PTPRT: variants seen among roughly 807,000 people sequenced by gnomAD.
PTPRT encodes the protein receptor-type tyrosine-protein phosphatase T.
A neutral mutation model predicts 176.8 loss-of-function variants in PTPRT; 56 were observed. That is an observed-to-expected ratio of 0.32 (90% CI 0.26 to 0.40). The LOEUF (loss-of-function observed/expected upper bound fraction) is 0.40. PTPRT is among the 10% of genes least tolerant of loss of function. The probability of loss-of-function intolerance (pLI) is 1.00; values close to 1 mark genes in which losing one functional copy is unlikely to be tolerated. For synonymous variants in PTPRT, 783 were observed against 739.0 expected (o/e 1.06, Z -0.96); for missense variants, 1,540 against 1,908.2 (o/e 0.81, Z 3.60).
Position 42,862,039 on chromosome 20 carries a change from C to T in PTPRT, c.214+23768G>A, listed in dbSNP as rs549502176. On this transcript the variant is annotated intron_variant, in intron 2 of 30. Transcript: ENST00000373187. The stretch of plus-strand genomic sequence containing the variant: ...GCCATATTGCAAAAGGTTATACACA[C>T]GCACACACACACACACAAGACACTA... 3.0e-4 allele frequency among the ~76,000 whole-genome samples: 45 copies of T among 152,224 alleles called. 2 individuals are homozygous for T. In the South Asian group the frequency reaches 6.4e-3, roughly 22 times the overall value.
chr20:42,928,215 T>C (rs541725393), intron 1 of PTPRT, among the ~76,000 whole-genome samples: 1 of 152,236 alleles, frequency 6.6e-6, no homozygotes, highest in Non-Finnish European at 1.5e-5. Flanking sequence ...GCTCCTTCAA[T>C]GTAGTGGAAC....
chr20:43,168,670 C>T (rs1159607817), intron 1 of PTPRT, among the ~76,000 whole-genome samples: 1 of 152,188 alleles, frequency 6.6e-6, no homozygotes, highest in East Asian at 1.9e-4. Flanking sequence ...CCTGGAGTGA[C>T]TTGGCCACAC....
intron 2 of PTPRT, among the ~76,000 whole-genome samples, chr20:42,802,966 G>A (rs1002172200): frequency 3.9e-5 from 6 of 152,178 alleles, no homozygotes; most frequent in South Asian, 2.1e-4. Flanking sequence ...TATGTTACAC[G>A]CTTAGAATAG....
intron 6 of PTPRT, among the ~76,000 whole-genome samples, chr20:42,746,835 A>G (rs2076697986): frequency 1.3e-5 from 2 of 152,158 alleles, no homozygotes; most frequent in South Asian, 4.1e-4. Flanking sequence ...GTCTACCACA[A>G]AAAAACTTCC....
chr20:42,666,900 T>C (rs150341492), intron 7 of PTPRT, among the ~76,000 whole-genome samples: 1 of 152,310 alleles, frequency 6.6e-6, no homozygotes, highest in African/African-American at 2.4e-5. Context: ...GTAGTTCCAA[T>C]AGCTTGTTTT....
chr20:42,960,644 C>T (rs1981934077), intron 1 of PTPRT, among the ~76,000 whole-genome samples: 1 of 152,130 alleles, frequency 6.6e-6, no homozygotes, highest in Admixed American at 6.5e-5. Flanking sequence ...TTCCTCTCCC[C>T]CCAGTATTGG....
At chr20:42,243,321 C>T (rs2056391769) in intron 14 of PTPRT, among the ~76,000 whole-genome samples, 1 of 152,142 alleles carries the variant, frequency 6.6e-6, no homozygotes, top group Non-Finnish European at 1.5e-5. Flanking sequence ...GGAGCTCTAA[C>T]AAGAGAAGAC....
chr20:42,171,871 A>G (rs1990092829), intron 16 of PTPRT, among the ~76,000 whole-genome samples: 1 of 152,196 alleles, frequency 6.6e-6, no homozygotes, highest in South Asian at 2.1e-4. Context: ...TCCAAGGCAC[A>G]TTAATTCCCA....
In PTPRT at chr20:43,157,405, A is replaced by G. The variant is rs539788963; in HGVS notation, c.88+32241T>C. 2.0e-5 allele frequency among the ~76,000 whole-genome samples: 3 copies of G among 152,186 alleles called. No individual in the cohort carries two copies. In the East Asian group the frequency reaches 5.8e-4, roughly 30 times the overall value. On this transcript the variant is annotated intron_variant, in intron 1 of 30. Coordinates refer to ENST00000373187, the MANE Select transcript of PTPRT (RefSeq NM_007050.6). Reference sequence around the variant, plus strand: ...CAAATCCCTGCCCTCTTGGATTTACATCTTACTGGGGATGGGAAGCAGAAA... The same window carrying G: ...CAAATCCCTGCCCTCTTGGATTTACGTCTTACTGGGGATGGGAAGCAGAAA...
intron 15 of PTPRT, among the ~76,000 whole-genome samples, chr20:42,224,037 C>T (rs552039237): frequency 2.0e-5 from 3 of 152,292 alleles, no homozygotes; most frequent in South Asian, 4.1e-4. Context: ...TTGTAATATA[C>T]CCACCAATTC....
At chr20:43,067,334 G>A (rs904571725) in intron 1 of PTPRT, among the ~76,000 whole-genome samples, 2 of 152,186 alleles carry the variant, frequency 1.3e-5, no homozygotes, top group African/African-American at 2.4e-5. Context: ...GGGTTGGAGA[G>A]TGACTGTTTA....
At chr20:42,098,593 A>C (rs200087242) in intron 26 of PTPRT, 41 bp from the exon 27 acceptor site, 1 of 1,611,476 alleles carries the variant, frequency 6.2e-7, no homozygotes, top group Admixed American at 1.7e-5. Context: ...TTACACATCC[A>C]TCAGTGATAT....
chr20:42,516,486 AT>A (rs1249912368), intron 7 of PTPRT, among the ~76,000 whole-genome samples: 1 of 152,116 alleles, frequency 6.6e-6, no homozygotes, highest in Non-Finnish European at 1.5e-5. Context: ...CAGCTTGTTC[AT>A]TCTCTTTGCT....
intron 1 of PTPRT, among the ~76,000 whole-genome samples, chr20:42,977,168 G>T (rs1007840906): frequency 6.7e-4 from 102 of 152,290 alleles, no homozygotes; most frequent in African/African-American, 2.3e-3. Context: ...ACAGATGAAA[G>T]GAGAGAATGG....
chr20:43,039,130 A>G (rs1427556987), intron 1 of PTPRT, among the ~76,000 whole-genome samples: 6 of 152,200 alleles, frequency 3.9e-5, no homozygotes, highest in Admixed American at 3.3e-4. Flanking sequence ...TGCCTGGGAA[A>G]CTTTTGAGAT....
chr20:42,124,477 C>T (rs985015185), intron 19 of PTPRT, among the ~76,000 whole-genome samples: 16 of 152,192 alleles, frequency 1.1e-4, no homozygotes, highest in Admixed American at 8.5e-4. Flanking sequence ...AACCTGCCAG[C>T]GGGATGGTTC....
intron 11 of PTPRT, among the ~76,000 whole-genome samples, chr20:42,317,807 G>A (rs575981331): frequency 2.8e-4 from 42 of 152,308 alleles, no homozygotes; most frequent in African/African-American, 9.1e-4. Flanking sequence ...GAAGCGCTGG[G>A]CATATGAGTA....
intron 1 of PTPRT, among the ~76,000 whole-genome samples, chr20:42,982,328 G>A (rs1983330281): frequency 6.6e-6 from 1 of 152,148 alleles, no homozygotes; most frequent in Admixed American, 6.5e-5. Context: ...CTGTGCATGT[G>A]GGAGGTAGAC....
chr20:42,555,636 G>A (rs538819746), intron 7 of PTPRT, among the ~76,000 whole-genome samples: 10 of 152,254 alleles, frequency 6.6e-5, no homozygotes, highest in South Asian at 2.1e-4. Flanking sequence ...GTCCTTCCCC[G>A]CTGGCTGAGG....
Sources: allele counts gnomAD v4.1 joint callset (sites outside exome capture counted in the v4.1 genomes callset), GRCh38; gene constraint gnomAD v4.1.1; transcripts MANE v1.5; gene names NCBI Gene and HGNC (gene_info 2026-07-23, HGNC 2026-07-21).